The following ABHD12 variants were observed in gnomAD, a reference collection of about 807,000 sequenced individuals.
ABHD12 encodes lysophosphatidylserine lipase ABHD12.
A neutral mutation model predicts 58.3 loss-of-function variants in ABHD12; 43 were observed. That is an observed-to-expected ratio of 0.74 (90% CI 0.58 to 0.95). ABHD12 has a LOEUF of 0.95. ABHD12 is among the 40% of genes least tolerant of loss of function. The probability of loss-of-function intolerance (pLI) is 0.00; values close to 1 mark genes in which losing one functional copy is unlikely to be tolerated. For missense variants in ABHD12, 539 were observed against 537.2 expected, an observed-to-expected ratio of 1.00 and a Z score of -0.03; for synonymous variants, 219 against 211.2, an observed-to-expected ratio of 1.04 and a Z score of -0.32.
chr20:25,363,723 G>A (rs1289555817), intron 1 of ABHD12, among the ~76,000 whole-genome samples: 3 of 151,822 alleles, frequency 2.0e-5, no homozygotes, highest in Admixed American at 2.0e-4. Flanking sequence ...AAATTAGCTG[G>A]GCATGGTGGC....
chr20:25,307,050 A>G, intron 9 of ABHD12, 135 bp from the exon 10 acceptor site: 1 of 704,786 alleles, frequency 1.4e-6, no homozygotes, highest in Non-Finnish European at 2.5e-6. Flanking sequence ...AGCAGGGGTG[A>G]CATTGCCAAG....
In ABHD12 at chr20:25,329,567, T is replaced by C. The variant is rs73345071; in HGVS notation, c.317-6137A>G. 6.6e-3 allele frequency among the ~76,000 whole-genome samples: 1,003 copies of C among 152,226 alleles called. 16 individuals are homozygous for C. The highest frequency in any genetic ancestry group is 0.023 in the African/African-American group (961 of 41,514). ...GAGGGTGAAGAAGTGAGAATGTGAG[T>C]GAATGGAAAACGACCTGCTCTGTCA... On this transcript the variant is annotated intron_variant, in intron 2 of 12. Transcript: ENST00000339157.
intron 6 of ABHD12, among the ~76,000 whole-genome samples, chr20:25,312,984 C>T (rs1387252751): frequency 6.7e-6 from 1 of 149,000 alleles, no homozygotes; most frequent in Non-Finnish European, 1.5e-5. Context: ...CCCCGACCGG[C>T]CAGCCACCCC....
chr20:25,324,189 C>A (rs1407306455), intron 2 of ABHD12, among the ~76,000 whole-genome samples: 1 of 152,146 alleles, frequency 6.6e-6, no homozygotes, highest in Non-Finnish European at 1.5e-5. Flanking sequence ...CCAGGACCTG[C>A]GGGCAGATGA....
chr20:25,366,378 TGCCTCA>T (rs1568764264), intron 1 of ABHD12, among the ~76,000 whole-genome samples: 2 of 152,132 alleles, frequency 1.3e-5, no homozygotes, highest in African/African-American at 4.8e-5. Context: ...CAGGTTCTCC[TGCCTCA>T]GCCTCCCTAG....
At chr20:25,372,651 T>C (rs760286400) in intron 1 of ABHD12, among the ~76,000 whole-genome samples, 7 of 152,218 alleles carry the variant, frequency 4.6e-5, no homozygotes, top group Admixed American at 6.5e-5. Context: ...TCATGCAAAC[T>C]GCATAATAGC....
exon 13 of ABHD12, chr20:25,294,958 A>G (rs759573349): frequency 1.9e-6 from 3 of 1,614,030 alleles, no homozygotes; most frequent in Non-Finnish European, 2.5e-6. Context: ...TGACCGTGTC[A>G]CCTGTTGGCT....
chr20:25,339,707 A>AAGAGCGGCCTCCTCAGGCCTCCCG, intron 1 of ABHD12: 10 of 1,370,660 alleles, frequency 7.3e-6, no homozygotes, highest in Non-Finnish European at 9.8e-6. Flanking sequence ...CGTATCAGGA[A>AAGAGCGGCCTCCTCAGGCCTCCCG]AGAGCGGCCT....
chr20:25,317,065 G>T lies in ABHD12; in HGVS notation c.556C>A (p.Arg186Ser). The T allele has an allele frequency of 6.2e-7, 1 of 1,612,564 alleles. No individual in the cohort carries two copies. The highest frequency in any genetic ancestry group is 8.5e-7 in the Non-Finnish European group (1 of 1,179,366). Reference sequence around the variant, plus strand: ...GCACTCACCTTGTAAAGCTCCACGCGGTGGTCGCCTCCTCTGGAGAAGAAA... The same window carrying T: ...GCACTCACCTTGTAAAGCTCCACGCTGTGGTCGCCTCCTCTGGAGAAGAAA... ...GNAGTRGGDH[R>S]VELYKVLSSL... Residue 186 changes from arginine (R) to serine (S), a missense_variant, in exon 5 of 13, where the codon CGC becomes AGC. Transcript: ENST00000339157.
chr20:25,368,277 A>C, intron 1 of ABHD12: 1 of 1,531,836 alleles, frequency 6.5e-7, no homozygotes, highest in Non-Finnish European at 8.9e-7. Flanking sequence ...CAAACTTATT[A>C]GAGTTGTTCA....
At chr20:25,303,378 G>A in intron 11 of ABHD12, 172 bp downstream of exon 11, 1 of 1,512,384 alleles carries the variant, frequency 6.6e-7, no homozygotes, top group Non-Finnish European at 8.8e-7. Flanking sequence ...AAGCAGCCTG[G>A]AGGTGACGCA....
At chr20:25,329,128 ACT>A (rs1224182194) in intron 2 of ABHD12, among the ~76,000 whole-genome samples, 1 of 151,954 alleles carries the variant, frequency 6.6e-6, no homozygotes, top group African/African-American at 2.4e-5. Context: ...TTGGCCACTG[ACT>A]CTTTGTGGCC....
intron 1 of ABHD12, chr20:25,368,821 T>C: frequency 1.7e-6 from 1 of 579,944 alleles, no homozygotes; most frequent in South Asian, 1.7e-5. Flanking sequence ...CTACTTTCTT[T>C]TAAAAAAATT....
intron 6 of ABHD12, among the ~76,000 whole-genome samples, chr20:25,312,670 T>C (rs2088874424): frequency 3.6e-5 from 5 of 140,622 alleles, no homozygotes; most frequent in Admixed American, 1.4e-4. Context: ...CCCCTCTGCC[T>C]GGCTGCCCAG....
intron 1 of ABHD12, among the ~76,000 whole-genome samples, chr20:25,382,841 A>G (rs2090037848): frequency 6.6e-6 from 1 of 152,226 alleles, no homozygotes; most frequent in Non-Finnish European, 1.5e-5. Flanking sequence ...AGCAGAAGGC[A>G]GTGGCAAAGC....
downstream of ABHD12, chr20:25,300,206 G>C (rs935160610): frequency 2.1e-5 from 21 of 996,720 alleles, no homozygotes; most frequent in African/African-American, 5.2e-5. Context: ...GCTGCAGAGA[G>C]ACAAAAGGAC....
At chr20:25,310,864 C>T (rs1396301698) in intron 6 of ABHD12, among the ~76,000 whole-genome samples, 3 of 152,160 alleles carry the variant, frequency 2.0e-5, no homozygotes, top group African/African-American at 7.2e-5. Context: ...CAATTAGAAA[C>T]GTAGACTCCA....
At chr20:25,303,649 T>G (rs1345263408) in intron 10 of ABHD12, 21 bp from the exon 11 acceptor site, 1 of 1,613,138 alleles carries the variant, frequency 6.2e-7, no homozygotes, top group South Asian at 1.1e-5. Context: ...GAGAAGGGGC[T>G]AGACCAAGAC....
At chr20:25,381,624 C>G (rs2090022924) in intron 1 of ABHD12, among the ~76,000 whole-genome samples, 1 of 101,758 alleles carries the variant, frequency 9.8e-6, no homozygotes, top group Non-Finnish European at 1.9e-5. Context: ...TCTCAGTACC[C>G]TCTTTTTTTT....
Sources: allele counts gnomAD v4.1 joint callset (sites outside exome capture counted in the v4.1 genomes callset), GRCh38; gene constraint gnomAD v4.1.1; transcripts MANE v1.5; gene names NCBI Gene and HGNC (gene_info 2026-07-23, HGNC 2026-07-21).